Variants in TEAD4 observed in about 807,000 individuals in gnomAD.
The protein encoded by TEAD4 is TEA domain transcription factor 4.
A neutral mutation model predicts 52.4 loss-of-function variants in TEAD4; 36 were observed. That is an observed-to-expected ratio of 0.69 (90% CI 0.53 to 0.91). The LOEUF (loss-of-function observed/expected upper bound fraction) is 0.91. Ranked by LOEUF, TEAD4 falls within the 40% of genes least tolerant of loss-of-function variation. The pLI is 0.00. For missense variants in TEAD4, 508 were observed against 583.9 expected (o/e 0.87, Z 1.34); for synonymous variants, 220 against 231.0 (o/e 0.95, Z 0.43).
At chr12:3,024,767 A>G (rs1249358997) in intron 10 of TEAD4, among the ~76,000 whole-genome samples, 2 of 152,176 alleles carry the variant, frequency 1.3e-5, no homozygotes, top group Non-Finnish European at 2.9e-5. Context: ...TGGCTCTTGC[A>G]TATTTTTTAA....
chr12:2,983,438 G>A (rs1192501415), intron 2 of TEAD4, among the ~76,000 whole-genome samples: 1 of 152,162 alleles, frequency 6.6e-6, no homozygotes, highest in Non-Finnish European at 1.5e-5. Context: ...ATCTGGGGAG[G>A]GAGTGTGAAC....
chr12:2,960,196 G>A, intron 2 of TEAD4, 156 bp downstream of exon 2: 1 of 701,144 alleles, frequency 1.4e-6, no homozygotes, highest in Non-Finnish European at 1.8e-6. Context: ...TCCAGGGGCG[G>A]GTAAGGGGGG....
chr12:2,987,792 A>G (rs1382542879), intron 2 of TEAD4, among the ~76,000 whole-genome samples: 1 of 150,866 alleles, frequency 6.6e-6, no homozygotes, highest in Non-Finnish European at 1.5e-5. Context: ...AGGGCCGGGC[A>G]CGGTGGCTCA....
chr12:2,990,473 T>TTC (rs1228303642), intron 2 of TEAD4, among the ~76,000 whole-genome samples: 2 of 131,116 alleles, frequency 1.5e-5, no homozygotes, highest in Non-Finnish European at 3.2e-5. Flanking sequence ...TTTTTTTTTT[T>TTC]TTTTTTTTTT....
chr12:2,979,150 A>T (rs957906487), intron 2 of TEAD4, among the ~76,000 whole-genome samples: 1 of 152,292 alleles, frequency 6.6e-6, no homozygotes, highest in African/African-American at 2.4e-5. Context: ...TCCCGACCTC[A>T]GGTGATCTGC....
At chr12:3,034,512 C>T (rs1018702794) in intron 10 of TEAD4, among the ~76,000 whole-genome samples, 10 of 152,256 alleles carry the variant, frequency 6.6e-5, no homozygotes, top group African/African-American at 1.4e-4. Context: ...GCCAATTGCT[C>T]CTGGGGGCTG....
At chr12:3,022,701 G>A (rs994675915) in intron 10 of TEAD4, among the ~76,000 whole-genome samples, 1 of 152,158 alleles carries the variant, frequency 6.6e-6, no homozygotes, top group Non-Finnish European at 1.5e-5. Flanking sequence ...GCTTCCTGGG[G>A]GCCCAGTGTG....
chr12:3,037,373 G>A (rs750430661), intron 10 of TEAD4, among the ~76,000 whole-genome samples: 14 of 152,258 alleles, frequency 9.2e-5, no homozygotes, highest in Admixed American at 1.3e-4. Flanking sequence ...CCAAGGTGAC[G>A]GGACCCAGCA....
intron 2 of TEAD4, among the ~76,000 whole-genome samples, chr12:2,986,106 A>G (rs1379145942): frequency 2.0e-5 from 3 of 152,158 alleles, no homozygotes; most frequent in East Asian, 3.9e-4. Context: ...AAAACTAAAA[A>G]AAAATAATAA....
At chr12:3,016,664 G>C (rs561566378) in intron 5 of TEAD4, among the ~76,000 whole-genome samples, 23 of 152,186 alleles carry the variant, frequency 1.5e-4, no homozygotes, top group Admixed American at 4.6e-4. Context: ...TTGAAATAGG[G>C]AATGTTGTGT....
intron 2 of TEAD4, among the ~76,000 whole-genome samples, chr12:2,988,984 T>C (rs1444617041): frequency 1.3e-5 from 2 of 152,310 alleles, no homozygotes; most frequent in Admixed American, 1.3e-4. Flanking sequence ...TAAAGGTAGA[T>C]AGTGTTTCTC....
At chr12:2,995,279 G>A (rs2098246217) in intron 3 of TEAD4, among the ~76,000 whole-genome samples, 1 of 152,160 alleles carries the variant, frequency 6.6e-6, no homozygotes, top group Non-Finnish European at 1.5e-5. Context: ...CAGGTGGGGA[G>A]CACCCCACAA....
intron 2 of TEAD4, among the ~76,000 whole-genome samples, chr12:2,991,948 G>T (rs1233119320): frequency 6.6e-6 from 1 of 151,218 alleles, no homozygotes; most frequent in East Asian, 2.0e-4. Context: ...GGGCCTCAGT[G>T]CCCTTTTCAG....
intron 6 of TEAD4, 121 bp from the exon 7 acceptor site, chr12:3,018,424 G>A: frequency 1.7e-6 from 2 of 1,155,228 alleles, no homozygotes; most frequent in Admixed American, 1.8e-5. Context: ...AGCTAGGCGA[G>A]GCCTCGGGCT....
chr12:2,965,574 C>T (rs914776427), intron 2 of TEAD4, among the ~76,000 whole-genome samples: 5 of 151,714 alleles, frequency 3.3e-5, no homozygotes, highest in Admixed American at 1.3e-4. Context: ...TTTTTTGAGA[C>T]GGAGTCTCGC....
chr12:2,996,432 G>T (rs1348525566), intron 3 of TEAD4, among the ~76,000 whole-genome samples: 2 of 149,054 alleles, frequency 1.3e-5, no homozygotes, highest in Non-Finnish European at 3.0e-5. Context: ...TTTTGAGATG[G>T]AGTTTCACTC....
In TEAD4 at chr12:2,960,299, C is replaced by T. The variant is rs1467565186; in HGVS notation, c.-30+259C>T. 3.0e-6 allele frequency: 3 copies of T among 985,420 alleles called. No homozygotes were observed. The African/African-American group carries it at 5.2e-5, about 17-fold the overall frequency. The allele number at this position is 985,420 out of a possible 1,614,324, so 61.0% of individuals were successfully genotyped here. A position where few individuals can be genotyped will look rare whatever the true frequency, so the allele number is the denominator to read the frequency against. ...CATCGGCAACAGAAGAGACCCAGCA[C>T]CCATGCCTCTTTTCTGCTGGGCCCT... is the stretch of plus-strand genomic sequence containing the variant. On this transcript the variant is annotated intron_variant, in intron 2 of 12. Coordinates refer to ENST00000359864, the MANE Select transcript of TEAD4 (RefSeq NM_003213.4).
At chr12:2,979,153 T>G (rs2098232216) in intron 2 of TEAD4, among the ~76,000 whole-genome samples, 1 of 152,150 alleles carries the variant, frequency 6.6e-6, no homozygotes, top group South Asian at 2.1e-4. Context: ...CGACCTCAGG[T>G]GATCTGCCTG....
chr12:2,962,276 T>TTA (rs1165093041), intron 2 of TEAD4, among the ~76,000 whole-genome samples: 124 of 102,718 alleles, frequency 1.2e-3, no homozygotes, highest in African/African-American at 3.6e-3. Flanking sequence ...ATATATATAT[T>TTA]TATATATATT....
Sources: gnomAD v4.1 joint callset for allele counts (sites outside exome capture counted in the v4.1 genomes callset) on GRCh38, gnomAD v4.1.1 for gene constraint, MANE v1.5 for transcripts, NCBI Gene and HGNC (gene_info 2026-07-23, HGNC 2026-07-21) for gene names.